Variants in GRIA3 observed in about 807,000 individuals in gnomAD.
GRIA3 encodes glutamate receptor 3.
In GRIA3, 3 loss-of-function variants were observed where a neutral mutation model predicts 63.0. That is an observed-to-expected ratio of 0.05 (90% CI 0.02 to 0.12). GRIA3 has a LOEUF of 0.12. GRIA3 is among the 10% of genes least tolerant of loss of function. GRIA3 has a pLI of 1.00. For missense variants in GRIA3, 347 were observed against 700.9 expected (o/e 0.50, Z 5.70); for synonymous variants, 274 against 257.9 (o/e 1.06, Z -0.60).
At chrX:123,421,726 C>T (rs1293400046) in intron 11 of GRIA3, among the ~76,000 whole-genome samples, 2 of 111,930 alleles carry the variant, frequency 1.8e-5, no homozygotes, top group Non-Finnish European at 1.9e-5. Flanking sequence ...CCTCAGCTCC[C>T]ACTGTGTATA....
chrX:123,373,718 T>C (rs2045265260), intron 5 of GRIA3, among the ~76,000 whole-genome samples: 1 of 112,144 alleles, frequency 8.9e-6, no homozygotes, highest in South Asian at 3.7e-4. Context: ...TTTTTTCTTG[T>C]AAATTTGTTT....
intron 12 of GRIA3, among the ~76,000 whole-genome samples, chrX:123,428,570 T>C (rs1243565895): frequency 8.9e-6 from 1 of 112,348 alleles, no homozygotes; most frequent in Non-Finnish European, 1.9e-5. Context: ...CTAAGACTGA[T>C]GAGTAATGGA....
intron 12 of GRIA3, among the ~76,000 whole-genome samples, chrX:123,429,222 T>C (rs2045605113): frequency 8.9e-6 from 1 of 112,037 alleles, no homozygotes; most frequent in African/African-American, 3.2e-5. Context: ...AAATAATCAA[T>C]AAGAAATACA....
At chrX:123,416,350 GA>G (rs978238482) in intron 10 of GRIA3, among the ~76,000 whole-genome samples, 8 of 111,001 alleles carry the variant, frequency 7.2e-5, no homozygotes, top group East Asian at 2.8e-4. Context: ...TCTGAACATA[GA>G]AAAAAAATGA....
chrX:123,478,421 T>C (rs761770564), intron 13 of GRIA3, among the ~76,000 whole-genome samples: 5 of 112,285 alleles, frequency 4.5e-5, no homozygotes, highest in South Asian at 7.5e-4. Flanking sequence ...CTCAATTTCC[T>C]AGTGAGATAC....
chrX:123,368,270 A>G (rs2045226020), intron 5 of GRIA3, among the ~76,000 whole-genome samples: 1 of 111,642 alleles, frequency 9.0e-6, no homozygotes. Flanking sequence ...CACATGATAA[A>G]GAGGACCAGT....
chrX:123,263,426 T>C (rs1470043025), intron 3 of GRIA3, among the ~76,000 whole-genome samples: 2 of 112,541 alleles, frequency 1.8e-5, no homozygotes, highest in Admixed American at 9.4e-5. Context: ...ACAAACGATC[T>C]GATTAATTCT....
At chrX:123,446,006 T>A (rs371265022) in intron 12 of GRIA3, among the ~76,000 whole-genome samples, 10 of 112,103 alleles carry the variant, frequency 8.9e-5, no homozygotes, top group African/African-American at 3.2e-4. Context: ...TTTAAAAGTG[T>A]TGGAAAACTT....
intron 3 of GRIA3, among the ~76,000 whole-genome samples, chrX:123,316,702 T>C (rs187991472): frequency 1.9e-3 from 213 of 112,333 alleles, no homozygotes; most frequent in African/African-American, 6.4e-3. Context: ...TTAAAACTCA[T>C]GTTTGAAAAT....
chrX:123,222,116 A>G (rs969330386), intron 2 of GRIA3, among the ~76,000 whole-genome samples: 1 of 111,290 alleles, frequency 9.0e-6, no homozygotes, highest in African/African-American at 3.3e-5. Flanking sequence ...AAGCTAACCT[A>G]CCTTCCCAGG....
At chrX:123,206,073 G>C (rs1927879790) in intron 2 of GRIA3, among the ~76,000 whole-genome samples, 1 of 111,387 alleles carries the variant, frequency 9.0e-6, no homozygotes, top group African/African-American at 3.3e-5. Flanking sequence ...TGTCTAAAGG[G>C]GTAAATGTTT....
intron 2 of GRIA3, among the ~76,000 whole-genome samples, chrX:123,191,978 T>C (rs1229800794): frequency 1.8e-5 from 2 of 111,411 alleles, no homozygotes; most frequent in African/African-American, 6.5e-5. Context: ...TGTTTCTGGA[T>C]ATTACTCTCA....
At position 123,489,492 on chromosome X, in the gene GRIA3, A is replaced by C. The variant is rs1371052490; in HGVS notation, c.*782A>C. 5.3e-5 allele frequency: 6 copies of C among 112,338 alleles called. No homozygotes were observed. The highest frequency in any genetic ancestry group is 1.9e-4 in the African/African-American group (6 of 30,771). 9.3% of individuals were successfully genotyped at this position (112,338 alleles called of 1,213,427 possible). ...AAATTGACTTTGTGTGTAGCAAGGG[A>C]CGGGGCACTATCAGGATACCTCTTG... On this transcript the variant is annotated 3_prime_UTR_variant, in exon 16 of 16. Transcript: ENST00000620443.
chrX:123,228,634 G>A (rs1365506266), intron 2 of GRIA3, among the ~76,000 whole-genome samples: 1 of 111,595 alleles, frequency 9.0e-6, no homozygotes, highest in Non-Finnish European at 1.9e-5. Context: ...CTGGTATTAA[G>A]GATCCATTCA....
chrX:123,335,308 T>G (rs911749576), intron 4 of GRIA3, among the ~76,000 whole-genome samples: 7 of 111,333 alleles, frequency 6.3e-5, no homozygotes, highest in Non-Finnish European at 1.3e-4. Flanking sequence ...AAAAAGAGTT[T>G]CTGGTTGATC....
chrX:123,281,793 G>T (rs1444909749), intron 3 of GRIA3, among the ~76,000 whole-genome samples: 3 of 111,906 alleles, frequency 2.7e-5, no homozygotes, highest in Non-Finnish European at 5.6e-5. Flanking sequence ...TACTGAAAAT[G>T]AAGGAATTAA....
chrX:123,403,561 G>T, intron 9 of GRIA3, 42 bp downstream of exon 9: 1 of 804,193 alleles, frequency 1.2e-6, no homozygotes, highest in South Asian at 2.0e-5. Flanking sequence ...TGTCCAGCAA[G>T]ACTTCCGTTT....
At chrX:123,443,370 G>A (rs779422291) in intron 12 of GRIA3, among the ~76,000 whole-genome samples, 3 of 111,891 alleles carry the variant, frequency 2.7e-5, no homozygotes, top group Non-Finnish European at 5.6e-5. Flanking sequence ...GACCAGGACT[G>A]TTGTATTTAT....
At chrX:123,471,701 T>C (rs760764021) in intron 13 of GRIA3, among the ~76,000 whole-genome samples, 2 of 110,065 alleles carry the variant, frequency 1.8e-5, no homozygotes, top group Non-Finnish European at 3.8e-5. Context: ...AGGACAGCCA[T>C]GGAAAAGAAA....
Sources: gnomAD v4.1 joint callset for allele counts (sites outside exome capture counted in the v4.1 genomes callset) on GRCh38, gnomAD v4.1.1 for gene constraint, MANE v1.5 for transcripts, NCBI Gene and HGNC (gene_info 2026-07-23, HGNC 2026-07-21) for gene names.